The following XRN2 variants were observed in gnomAD, a reference collection of about 807,000 sequenced individuals.
XRN2 encodes the protein 5'-3' exoribonuclease 2, also known as DHM1-like protein.
A neutral mutation model predicts 138.5 loss-of-function variants in XRN2; 44 were observed. That is an observed-to-expected ratio of 0.32 (90% CI 0.25 to 0.41). The LOEUF is 0.41. Ranked by LOEUF, XRN2 falls within the 10% of genes least tolerant of loss-of-function variation. The pLI, the probability that XRN2 is intolerant of heterozygous loss-of-function variation, is 1.00. For missense variants in XRN2, 937 were observed against 1,169.3 expected (o/e 0.80, Z 2.90); for synonymous variants, 354 against 369.4 (o/e 0.96, Z 0.48).
chr20:21,316,925 A>G (rs1018328322), intron 1 of XRN2, among the ~76,000 whole-genome samples: 2 of 152,222 alleles, frequency 1.3e-5, no homozygotes, highest in African/African-American at 4.8e-5. Context: ...TTGCAAGTGT[A>G]TAGAAATGTA....
rs2038461843 is a variant in XRN2 at position 21,348,179 on chromosome 20, C to T, written c.1699C>T (p.His567Tyr). The T allele has an allele frequency of 3.1e-6, 5 of 1,613,518 alleles. No homozygotes were observed. The Admixed American group carries it at 8.3e-5, about 27-fold the overall frequency. The change falls in exon 18 of 30, where the codon CAT becomes TAT. Residue 567 changes from histidine to tyrosine, a missense_variant. Around this residue, in one of 6 missense-constraint regions of XRN2, gnomAD observed 471 missense variants for 581.2 expected, o/e 0.81. Transcript: ENST00000377191. ...TTCCTGGAAGTGGTATTATCCATTTCATTATGCACCATTTGCTTCAGACTT... is the reference window on the plus strand; with the variant it reads ...TTCCTGGAAGTGGTATTATCCATTTTATTATGCACCATTTGCTTCAGACTT... ...CASWKWYYPF[H>Y]YAPFASDFEG...
chr20:21,311,022 A>T (rs1430233537), intron 1 of XRN2, among the ~76,000 whole-genome samples: 1 of 151,948 alleles, frequency 6.6e-6, no homozygotes, highest in Non-Finnish European at 1.5e-5. Context: ...GAGTGCTGGG[A>T]TTACAGGCGT....
rs561301032 is a variant in XRN2, at chr20:21,331,599, A to G, written c.615A>G (p.Glu205=). The change falls in exon 7 of 30, where the codon GAA becomes GAG. Residue 205 remains glutamate (E), a synonymous_variant. Transcript: ENST00000377191. ...LSDASAPGEG[E]HKIMDYIRRQ... is the part of the protein sequence containing the mutation. Reference sequence around the variant, plus strand: ...ATGCTAGTGCTCCTGGTGAAGGAGAACATAAAATCATGGATTACATTAGAA... The same window carrying G: ...ATGCTAGTGCTCCTGGTGAAGGAGAGCATAAAATCATGGATTACATTAGAA... 1 of 1,612,904 alleles carries G rather than the reference A, an allele frequency of 6.2e-7. No individual in the cohort carries two copies. The highest frequency in any genetic ancestry group is 1.7e-5 in the Admixed American group (1 of 59,950).
intron 24 of XRN2, among the ~76,000 whole-genome samples, chr20:21,358,495 G>A (rs902719676): frequency 3.9e-5 from 6 of 152,138 alleles, no homozygotes; most frequent in Admixed American, 3.9e-4. Flanking sequence ...TAAGACTAAA[G>A]CAAACACATC....
intron 1 of XRN2, among the ~76,000 whole-genome samples, chr20:21,316,299 G>T (rs961640409): frequency 1.3e-5 from 2 of 152,232 alleles, no homozygotes; most frequent in Admixed American, 1.3e-4. Flanking sequence ...ATGATGAAGT[G>T]CAGTTCATCT....
intron 13 of XRN2, among the ~76,000 whole-genome samples, chr20:21,338,011 G>A (rs1311438770): frequency 6.6e-6 from 1 of 152,170 alleles, no homozygotes; most frequent in Non-Finnish European, 1.5e-5. Context: ...ATCAGAGGAG[G>A]TTTTAGGGTA....
chr20:21,323,950 T>C (rs904471899), intron 1 of XRN2, among the ~76,000 whole-genome samples: 1 of 152,210 alleles, frequency 6.6e-6, no homozygotes, highest in Non-Finnish European at 1.5e-5. Flanking sequence ...CTGAAATATT[T>C]ACTGATTTTT....
At chr20:21,356,979 T>C (rs1368568522) in intron 23 of XRN2, among the ~76,000 whole-genome samples, 1 of 152,170 alleles carries the variant, frequency 6.6e-6, no homozygotes. Context: ...CAGTGGAGTT[T>C]TCCAGAGGCC....
At position 21,333,925 on chromosome 20, in the gene XRN2, T is replaced by G; in HGVS notation, c.1068-12T>G. Reference sequence around the variant, plus strand: ...CTGGTCCTAATGCATAATGTTTGTCTCTTGCTGACAGGGAAAATGCAATTG... The same window carrying G: ...CTGGTCCTAATGCATAATGTTTGTCGCTTGCTGACAGGGAAAATGCAATTG... On this transcript the variant is annotated splice_polypyrimidine_tract_variant and intron_variant, in intron 11 of 29. Coordinates refer to ENST00000377191, the MANE Select transcript of XRN2 (RefSeq NM_012255.5). The G allele has an allele frequency of 6.2e-7, 1 of 1,614,140 alleles. No homozygotes were observed. The highest frequency in any genetic ancestry group is 1.1e-5 in the South Asian group (1 of 91,078).
chr20:21,329,858 TGTGTGTG>T (rs2038179884), intron 4 of XRN2, among the ~76,000 whole-genome samples: 1 of 9,166 alleles, frequency 1.1e-4, no homozygotes, highest in Admixed American at 1.2e-3. Flanking sequence ...CTCTAACTGG[TGTGTGTG>T]TGTGTGTGTG....
chr20:21,303,787 AG>A, intron 1 of XRN2: 2 of 1,124,576 alleles, frequency 1.8e-6, no homozygotes, highest in Non-Finnish European at 2.2e-6. Context: ...TTTCCTCTCC[AG>A]ACCGCGCATT....
intron 1 of XRN2, among the ~76,000 whole-genome samples, chr20:21,321,088 C>G (rs1213315553): frequency 6.6e-6 from 1 of 151,900 alleles, no homozygotes; most frequent in Non-Finnish European, 1.5e-5. Context: ...CGATCTTGGC[C>G]CACTGCATCC....
intron 27 of XRN2, among the ~76,000 whole-genome samples, chr20:21,370,316 C>T (rs1258193921): frequency 6.6e-6 from 1 of 151,976 alleles, no homozygotes; most frequent in African/African-American, 2.4e-5. Context: ...TCTTTTTGCT[C>T]AGGATAACTT....
intron 1 of XRN2, among the ~76,000 whole-genome samples, chr20:21,317,482 A>G (rs1197414570): frequency 2.0e-5 from 3 of 152,072 alleles, no homozygotes; most frequent in Admixed American, 6.6e-5. Flanking sequence ...TAATATTTTA[A>G]TATATTGCTG....
chr20:21,380,785 T>G (rs991865043), intron 27 of XRN2, among the ~76,000 whole-genome samples: 1 of 152,232 alleles, frequency 6.6e-6, no homozygotes, highest in Non-Finnish European at 1.5e-5. Flanking sequence ...CAGAAACTTT[T>G]CCAGCTGGCC....
Position 21,330,674 on chromosome 20 carries a change from T to C in XRN2, c.545T>C (p.Leu182Ser). The C allele has an allele frequency of 1.2e-6, 2 of 1,613,016 alleles. No individual in the cohort carries two copies. The highest frequency in any genetic ancestry group is 1.7e-6 in the Non-Finnish European group (2 of 1,179,966). Residue 182 changes from leucine to serine, a missense_variant, in exon 6 of 30, where the codon TTA becomes TCA. Transcript: ENST00000377191. Reference protein sequence around the residue: ...KCLRYYIADRLNNDPGWKNLT... With the variant: ...KCLRYYIADRSNNDPGWKNLT... ...CTTCGCTATTACATAGCTGATCGTT[T>C]AAATAATGACCCTGGGTGGAAAAAT...
intron 4 of XRN2, 132 bp from the exon 5 acceptor site, chr20:21,330,349 A>G (rs904298353): frequency 4.2e-6 from 3 of 706,376 alleles, no homozygotes; most frequent in Non-Finnish European, 6.8e-6. Flanking sequence ...CAGTGAGGGA[A>G]CATTTTTCCT....
chr20:21,316,266 A>C (rs990175354), intron 1 of XRN2, among the ~76,000 whole-genome samples: 1 of 152,196 alleles, frequency 6.6e-6, no homozygotes, highest in Non-Finnish European at 1.5e-5. Flanking sequence ...AAAAACAAAC[A>C]AACAAAAAAG....
At chr20:21,378,223 A>G (rs542452875) in intron 27 of XRN2, among the ~76,000 whole-genome samples, 2 of 152,210 alleles carry the variant, frequency 1.3e-5, no homozygotes, top group African/African-American at 4.8e-5. Context: ...GATATGAGTA[A>G]TAATGTCGGT....
Sources: gnomAD v4.1 joint callset for allele counts (sites outside exome capture counted in the v4.1 genomes callset) on GRCh38, gnomAD v4.1.1 for gene constraint, gnomAD v4.1.1 regional missense constraint, MANE v1.5 for transcripts, NCBI Gene and HGNC (gene_info 2026-07-23, HGNC 2026-07-21) for gene names.